LAMA2: variants seen among roughly 807,000 people sequenced by gnomAD.
LAMA2 encodes the protein laminin subunit alpha-2.
LAMA2 carries 269 observed loss-of-function variants against 364.8 expected under a neutral mutation model. The observed-to-expected ratio is 0.74, with a 90% CI of 0.67 to 0.82. The LOEUF (loss-of-function observed/expected upper bound fraction) is 0.82. Ranked by LOEUF, LAMA2 falls within the 40% of genes least tolerant of loss-of-function variation. LAMA2 has a pLI of 0.00. For missense variants in LAMA2, 3,807 were observed against 3,873.2 expected (o/e 0.98, Z 0.45); for synonymous variants, 1,379 against 1,370.6 (o/e 1.01, Z -0.14).
At chr6:128,919,326 AT>A (rs1778548106) in intron 1 of LAMA2, among the ~76,000 whole-genome samples, 1 of 152,224 alleles carries the variant, frequency 6.6e-6, no homozygotes, top group Non-Finnish European at 1.5e-5. Flanking sequence ...ACTTTAATGT[AT>A]AACTTACGTC....
chr6:128,923,691 A>G (rs181215637), intron 1 of LAMA2, among the ~76,000 whole-genome samples: 267 of 152,290 alleles, frequency 1.8e-3, no homozygotes, highest in African/African-American at 6.2e-3. Flanking sequence ...CAATTACTCA[A>G]TCACTAATCT....
intron 1 of LAMA2, among the ~76,000 whole-genome samples, chr6:128,978,349 CTT>C (rs1236313304): frequency 2.2e-4 from 32 of 147,820 alleles, no homozygotes; most frequent in Non-Finnish European, 1.9e-4. Context: ...TTCTTTCTTT[CTT>C]TTTTTTTTTT....
chr6:129,106,109 T>C (rs894903625), intron 4 of LAMA2, among the ~76,000 whole-genome samples: 1 of 152,142 alleles, frequency 6.6e-6, no homozygotes, highest in African/African-American at 2.4e-5. Context: ...ATGGCAGGCT[T>C]GTATAAAAAT....
At chr6:128,955,668 T>C (rs1781098739) in intron 1 of LAMA2, among the ~76,000 whole-genome samples, 1 of 151,966 alleles carries the variant, frequency 6.6e-6, no homozygotes, top group Admixed American at 6.6e-5. Context: ...CCCCCAAGTT[T>C]GGTTTTTATT....
intron 1 of LAMA2, among the ~76,000 whole-genome samples, chr6:128,942,542 G>A (rs1780220754): frequency 6.6e-6 from 1 of 152,124 alleles, no homozygotes; most frequent in African/African-American, 2.4e-5. Flanking sequence ...GATTCTAAAA[G>A]TATTTGTATG....
intron 23 of LAMA2, among the ~76,000 whole-genome samples, chr6:129,313,493 A>G (rs1173169947): frequency 1.3e-5 from 2 of 152,226 alleles, no homozygotes; most frequent in African/African-American, 4.8e-5. Flanking sequence ...CATTTCTCCA[A>G]AAATTAATCT....
At chr6:129,315,411 A>C (rs1182301744) in intron 24 of LAMA2, 65 bp from the exon 25 acceptor site, 11 of 1,425,264 alleles carry the variant, frequency 7.7e-6, no homozygotes, top group Non-Finnish European at 1.1e-5. Flanking sequence ...GCAGTTCGTA[A>C]CTTAGTTTTA....
chr6:129,223,746 C>G (rs1784044090), intron 12 of LAMA2, among the ~76,000 whole-genome samples: 1 of 152,120 alleles, frequency 6.6e-6, no homozygotes, highest in South Asian at 2.1e-4. Context: ...GTTACTGTAG[C>G]CTTGTAGTAT....
At position 129,503,111 on chromosome 6, in the gene LAMA2, T is replaced by G; in HGVS notation, c.8378T>G (p.Val2793Gly). 1 of 1,614,160 alleles carries G rather than the reference T, an allele frequency of 6.2e-7. No homozygotes were observed. The highest frequency in any genetic ancestry group is 8.5e-7 in the Non-Finnish European group (1 of 1,179,988). ...VKNRLTIELE[V>G]RTEAESGLLF... ...CACAGTCTCACAATTGAGTTGGAAG[T>G]AAGAACCGAAGCTGAATCCGGCTTG... Residue 2793 changes from valine to glycine, a missense_variant, in exon 60 of 65, where the codon GTA becomes GGA. Val to Gly is a moderately radical substitution (Grantham distance 109). Transcript: ENST00000421865.
intron 35 of LAMA2, among the ~76,000 whole-genome samples, chr6:129,389,912 G>A (rs1279537151): frequency 6.6e-6 from 1 of 152,198 alleles, no homozygotes. Context: ...TGAGGTGGTC[G>A]GTGGGGGGAC....
At chr6:129,222,742 T>G (rs946296931) in intron 12 of LAMA2, among the ~76,000 whole-genome samples, 15 of 152,126 alleles carry the variant, frequency 9.9e-5, no homozygotes, top group African/African-American at 3.4e-4. Context: ...CAGTCTATCA[T>G]TGATGGACAT....
At chr6:129,515,632 A>C (rs1292927952) in intron 64 of LAMA2, among the ~76,000 whole-genome samples, 2 of 135,930 alleles carry the variant, frequency 1.5e-5, no homozygotes, top group African/African-American at 2.6e-5. Flanking sequence ...AGTTCTAAGT[A>C]AGTCAGTACT....
At chr6:129,357,568 C>T (rs1777217879) in intron 32 of LAMA2, among the ~76,000 whole-genome samples, 1 of 151,930 alleles carries the variant, frequency 6.6e-6, no homozygotes, top group African/African-American at 2.4e-5. Flanking sequence ...TGATCATGAA[C>T]TATGTTTTCT....
intron 1 of LAMA2, among the ~76,000 whole-genome samples, chr6:128,969,206 T>G (rs1393448748): frequency 6.6e-6 from 1 of 152,162 alleles, no homozygotes; most frequent in African/African-American, 2.4e-5. Flanking sequence ...GAAAACCATT[T>G]CTTTTACCTC....
chr6:129,203,786 G>A (rs1782447513), intron 12 of LAMA2, among the ~76,000 whole-genome samples: 1 of 152,046 alleles, frequency 6.6e-6, no homozygotes, highest in Non-Finnish European at 1.5e-5. Context: ...TTCAAATGCT[G>A]GATCTCTGCT....
chr6:129,476,274 A>G (rs898600416), intron 53 of LAMA2, among the ~76,000 whole-genome samples: 6 of 152,348 alleles, frequency 3.9e-5, no homozygotes, highest in South Asian at 4.1e-4. Context: ...TAGATTTTTA[A>G]TAAGAGAAAT....
intron 44 of LAMA2, among the ~76,000 whole-genome samples, chr6:129,443,900 C>A (rs7749177): frequency 0.019 from 2,886 of 152,172 alleles, 106 homozygotes; most frequent in African/African-American, 0.066. Context: ...AATAACAATT[C>A]TAAACAATCA....
chr6:129,426,010 C>T (rs1303148391), intron 40 of LAMA2, among the ~76,000 whole-genome samples: 1 of 152,084 alleles, frequency 6.6e-6, no homozygotes, highest in East Asian at 1.9e-4. Flanking sequence ...AAGCTGTTTT[C>T]TTTTTTTGTC....
At chr6:129,030,758 T>C (rs1258544291) in intron 1 of LAMA2, among the ~76,000 whole-genome samples, 1 of 152,160 alleles carries the variant, frequency 6.6e-6, no homozygotes, top group African/African-American at 2.4e-5. Context: ...TTTTTTCGTG[T>C]TAGAACTCAT....
Sources: allele counts gnomAD v4.1 joint callset (sites outside exome capture counted in the v4.1 genomes callset), GRCh38; gene constraint gnomAD v4.1.1; transcripts MANE v1.5; gene names NCBI Gene and HGNC (gene_info 2026-07-23, HGNC 2026-07-21).